Variants in CNTN5 observed in about 807,000 individuals in gnomAD.
CNTN5 encodes the protein contactin-5.
Under a neutral mutation model 129.1 loss-of-function variants are expected in CNTN5, and 77 were observed. That is an observed-to-expected ratio of 0.60 (90% CI 0.50 to 0.72). CNTN5 has a LOEUF of 0.72. Ranked by LOEUF, CNTN5 falls within the 30% of genes least tolerant of loss-of-function variation. The pLI, the probability that CNTN5 is intolerant of heterozygous loss-of-function variation, is 0.00. For synonymous variants in CNTN5, 509 were observed against 465.6 expected, an observed-to-expected ratio of 1.09 and a Z score of -1.20; for missense variants, 1,478 against 1,328.8, an observed-to-expected ratio of 1.11 and a Z score of -1.75.
In CNTN5 at chr11:100,268,051, C is replaced by G. The variant is rs563806618; in HGVS notation, c.2165-3041C>G. On this transcript the variant is annotated intron_variant, in intron 17 of 24. Transcript: ENST00000524871. ...TAAACAGTATGAGAGAAAAAGAATT[C>G]AAGGATGACTGTAAGATTTTTGACC... 1.0e-3 allele frequency among the ~76,000 whole-genome samples: 154 copies of G among 152,226 alleles called. 5 individuals carry two copies. The South Asian group carries it at 0.032, about 31-fold the overall frequency.
intron 16 of CNTN5, among the ~76,000 whole-genome samples, chr11:100,248,403 G>A (rs1273642834): frequency 6.6e-6 from 1 of 151,884 alleles, no homozygotes; most frequent in Non-Finnish European, 1.5e-5. Context: ...AAAATTAGCT[G>A]GGCATGGTGG....
At chr11:99,601,066 A>G (rs1950297510) in intron 3 of CNTN5, among the ~76,000 whole-genome samples, 1 of 152,204 alleles carries the variant, frequency 6.6e-6, no homozygotes, top group Non-Finnish European at 1.5e-5. Context: ...AGGATCACAT[A>G]TACCTTATTT....
chr11:100,251,657 G>A (rs1047840075), intron 16 of CNTN5, among the ~76,000 whole-genome samples: 13 of 151,912 alleles, frequency 8.6e-5, no homozygotes, highest in Admixed American at 2.0e-4. Context: ...ACATATAAGT[G>A]AGAACATGTG....
intron 2 of CNTN5, among the ~76,000 whole-genome samples, chr11:99,527,172 GT>G (rs1300474637): frequency 6.6e-6 from 1 of 152,210 alleles, no homozygotes; most frequent in Non-Finnish European, 1.5e-5. Flanking sequence ...CTGCTAGCTA[GT>G]TTAGCTATTG....
intron 17 of CNTN5, among the ~76,000 whole-genome samples, chr11:100,261,227 A>C (rs1483570140): frequency 6.6e-6 from 1 of 152,186 alleles, no homozygotes; most frequent in Admixed American, 6.5e-5. Context: ...ATACCTAGGA[A>C]TAGAACTTAC....
chr11:99,688,233 C>A (rs1269818365), intron 3 of CNTN5, among the ~76,000 whole-genome samples: 2 of 152,062 alleles, frequency 1.3e-5, no homozygotes, highest in African/African-American at 2.4e-5. Context: ...ATGCAGACAG[C>A]ATCTTGCTAT....
intron 2 of CNTN5, among the ~76,000 whole-genome samples, chr11:99,514,629 C>T (rs1252057448): frequency 6.6e-6 from 1 of 151,988 alleles, no homozygotes; most frequent in Non-Finnish European, 1.5e-5. Context: ...GCCAAAGGCT[C>T]AGATGATGGT....
intron 3 of CNTN5, among the ~76,000 whole-genome samples, chr11:99,583,862 G>A (rs1291307871): frequency 6.6e-6 from 1 of 152,110 alleles, no homozygotes; most frequent in Non-Finnish European, 1.5e-5. Context: ...TCCCCAGTGA[G>A]ATGAACTCGG....
intron 2 of CNTN5, among the ~76,000 whole-genome samples, chr11:99,452,348 T>A: frequency 6.6e-6 from 1 of 151,548 alleles, no homozygotes; most frequent in Non-Finnish European, 1.5e-5. Flanking sequence ...AAGAAAAAAT[T>A]GAAGTTTATA....
chr11:99,258,957 C>T (rs1341527890), intron 1 of CNTN5, among the ~76,000 whole-genome samples: 2 of 151,714 alleles, frequency 1.3e-5, no homozygotes, highest in South Asian at 2.1e-4. Context: ...AAGTTTCTAT[C>T]TTTAGGAATT....
chr11:99,942,163 A>G (rs1950453472), intron 7 of CNTN5, among the ~76,000 whole-genome samples: 1 of 152,102 alleles, frequency 6.6e-6, no homozygotes, highest in African/African-American at 2.4e-5. Context: ...AAATTAATTT[A>G]AATAAGTTTA....
chr11:100,043,106 A>C (rs1942467870), intron 9 of CNTN5, among the ~76,000 whole-genome samples: 1 of 152,204 alleles, frequency 6.6e-6, no homozygotes, highest in South Asian at 2.1e-4. Context: ...CCATAATTTT[A>C]AGCAAATTAA....
At chr11:99,558,502 G>T (rs1315476922) in intron 3 of CNTN5, among the ~76,000 whole-genome samples, 1 of 151,958 alleles carries the variant, frequency 6.6e-6, no homozygotes, top group Non-Finnish European at 1.5e-5. Flanking sequence ...ATGCTAGAAA[G>T]AAAGAAGGTG....
At chr11:99,658,029 TTAAA>T (rs1343493706) in intron 3 of CNTN5, among the ~76,000 whole-genome samples, 1 of 152,012 alleles carries the variant, frequency 6.6e-6, no homozygotes, top group Non-Finnish European at 1.5e-5. Flanking sequence ...TTTTATTAAT[TTAAA>T]TATTTATGAA....
At chr11:99,281,456 T>C (rs906800495) in intron 1 of CNTN5, among the ~76,000 whole-genome samples, 2 of 152,004 alleles carry the variant, frequency 1.3e-5, no homozygotes, top group Non-Finnish European at 2.9e-5. Context: ...TCCTCACCTA[T>C]GTCCAGAGCA....
intron 1 of CNTN5, among the ~76,000 whole-genome samples, chr11:99,106,264 A>G (rs1339286108): frequency 6.6e-6 from 1 of 152,074 alleles, no homozygotes; most frequent in African/African-American, 2.4e-5. Flanking sequence ...AATATTTTGT[A>G]TAATAATAGG....
rs149791851 is a variant in CNTN5 at position 99,874,126 on chromosome 11, A to G, written c.577+28864A>G. Among the ~76,000 whole-genome samples the G allele has an allele frequency of 4.9e-3, 739 of 152,254 alleles. 5 individuals are homozygous for G. The highest frequency in any genetic ancestry group is 0.015 in the African/African-American group (628 of 41,554). On this transcript the variant is annotated intron_variant, in intron 6 of 24. Coordinates refer to ENST00000524871, the MANE Select transcript of CNTN5 (RefSeq NM_014361.4). ...AGGTATAATGTTCACTGGGTAATGG[A>G]TACACTAGAAGCCCAATACCTACCA... is the stretch of plus-strand genomic sequence containing the variant.
At chr11:99,306,357 A>C (rs1317407500) in intron 1 of CNTN5, among the ~76,000 whole-genome samples, 1 of 151,780 alleles carries the variant, frequency 6.6e-6, no homozygotes, top group Non-Finnish European at 1.5e-5. Flanking sequence ...GTGCATTCAC[A>C]CAAAAAAATG....
intron 9 of CNTN5, among the ~76,000 whole-genome samples, chr11:100,002,722 C>T (rs1346397591): frequency 1.3e-5 from 2 of 152,072 alleles, no homozygotes; most frequent in Non-Finnish European, 2.9e-5. Context: ...TGAGGGTTTA[C>T]AGCCCAGGAT....
Sources: allele counts gnomAD v4.1 joint callset (sites outside exome capture counted in the v4.1 genomes callset), GRCh38; gene constraint gnomAD v4.1.1; transcripts MANE v1.5; gene names NCBI Gene and HGNC (gene_info 2026-07-23, HGNC 2026-07-21).